TENM3: variants seen among roughly 807,000 people sequenced by gnomAD.
TENM3 encodes teneurin-3.
Under a neutral mutation model 255.1 loss-of-function variants are expected in TENM3, and 63 were observed. The ratio of observed to expected loss-of-function variants is 0.25; its 90% CI spans 0.20 to 0.30. The LOEUF is 0.30. TENM3 is among the 10% of genes least tolerant of loss of function. TENM3 has a pLI of 1.00. For missense variants in TENM3, 2,929 were observed against 3,461.1 expected, an observed-to-expected ratio of 0.85 and a Z score of 3.86; for synonymous variants, 1,306 against 1,322.3, an observed-to-expected ratio of 0.99 and a Z score of 0.27.
chr4:181,470,617 T>C, the TENM3 span, among the ~76,000 whole-genome samples: 1 of 152,214 alleles, frequency 6.6e-6, no homozygotes, highest in East Asian at 1.9e-4. Context: ...ATTTTAAGGT[T>C]AAATTTATTT....
rs1330471044 is a variant in TENM3 at position 182,789,869 on chromosome 4, T to C, written c.5601+480T>C. 2.6e-5 allele frequency among the ~76,000 whole-genome samples: 4 copies of C among 152,192 alleles called. No homozygotes were observed. ...TATTAACCAAAAGAGGCGATTTTCT[T>C]AGAAAGCCACACTTTCGGGTACTCT... On this transcript the variant is annotated intron_variant, in intron 25 of 27. Coordinates refer to ENST00000511685, the MANE Select transcript of TENM3 (RefSeq NM_001080477.4). This position sits in a 1 kb window ranked among gnomAD's most constrained non-coding sequence, Gnocchi z 4.4.
chr4:182,056,326 T>C, the TENM3 span, among the ~76,000 whole-genome samples: 2 of 152,204 alleles, frequency 1.3e-5, no homozygotes, highest in African/African-American at 4.8e-5. Context: ...TGAAAATGTC[T>C]TCCCGTGTCC....
the TENM3 span, among the ~76,000 whole-genome samples, chr4:181,871,273 T>C: frequency 1.3e-5 from 2 of 152,202 alleles, no homozygotes; most frequent in East Asian, 3.9e-4. Context: ...ACTAGTCATT[T>C]TCTATAAAAG....
At chr4:181,524,915 G>A in the TENM3 span, among the ~76,000 whole-genome samples, 1 of 152,100 alleles carries the variant, frequency 6.6e-6, no homozygotes, top group Non-Finnish European at 1.5e-5. Flanking sequence ...TTTTCATTGT[G>A]GTTTGCCAAG....
chr4:181,822,759 G>A, the TENM3 span, among the ~76,000 whole-genome samples: 1 of 152,118 alleles, frequency 6.6e-6, no homozygotes, highest in Admixed American at 6.6e-5. Context: ...CAAATATAAG[G>A]CATCCACTAT....
At chr4:182,385,496 C>T (rs1767856971) in intron 3 of TENM3, among the ~76,000 whole-genome samples, 1 of 152,104 alleles carries the variant, frequency 6.6e-6, no homozygotes, top group Admixed American at 6.5e-5. Flanking sequence ...AACCTCTAAC[C>T]TCAGGTGATC....
At chr4:182,674,416 AT>A (rs1755490613) in intron 7 of TENM3, among the ~76,000 whole-genome samples, 1 of 152,120 alleles carries the variant, frequency 6.6e-6, no homozygotes, top group African/African-American at 2.4e-5. Context: ...AAATTTCTGA[AT>A]ATCAGGCTTT....
At chr4:181,448,444 T>C in the TENM3 span, among the ~76,000 whole-genome samples, 2 of 152,060 alleles carry the variant, frequency 1.3e-5, no homozygotes, top group Admixed American at 1.3e-4. Flanking sequence ...GTGCTGGGAT[T>C]ACAGGCGTGA....
At chr4:181,551,806 TAATA>T in the TENM3 span, among the ~76,000 whole-genome samples, 1 of 45,942 alleles carries the variant, frequency 2.2e-5, no homozygotes, top group South Asian at 1.0e-3. Flanking sequence ...AGGCAGTTAA[TAATA>T]TATATATATA....
chr4:182,238,803 A>C (rs971607794), upstream of TENM3, among the ~76,000 whole-genome samples: 1 of 152,186 alleles, frequency 6.6e-6, no homozygotes, highest in Non-Finnish European at 1.5e-5. Context: ...AAGTTTTATA[A>C]AAATACAAAC....
the TENM3 span, among the ~76,000 whole-genome samples, chr4:181,937,599 G>A: frequency 1.3e-5 from 2 of 152,178 alleles, no homozygotes; most frequent in Non-Finnish European, 1.5e-5. Context: ...ATGACTGCAC[G>A]AAGGCCTTTT....
upstream of TENM3, among the ~76,000 whole-genome samples, chr4:182,241,518 CTTT>C (rs982739950): frequency 8.8e-6 from 1 of 114,264 alleles, no homozygotes. Flanking sequence ...TTTTTTCTTT[CTTT>C]TTTTTTTTTT....
At chr4:182,258,878 G>T (rs1263418790) in intron 1 of TENM3, among the ~76,000 whole-genome samples, 1 of 152,200 alleles carries the variant, frequency 6.6e-6, no homozygotes, top group African/African-American at 2.4e-5. Context: ...AGCTTTGGTT[G>T]TTTGGAAATG....
chr4:181,766,129 G>A, the TENM3 span, among the ~76,000 whole-genome samples: 17 of 152,224 alleles, frequency 1.1e-4, no homozygotes, highest in Middle Eastern at 3.4e-3. Context: ...TCCCAGATGC[G>A]CCTCCATGCC....
In TENM3 at chr4:182,742,136, C is replaced by A. The variant is rs115692204; in HGVS notation, c.3380-1034C>A. ...GAAGTGTCATAAACTGTGCATGGAA[C>A]AATAGCAGCTGACTACCCCGTGTGC... On this transcript the variant is annotated intron_variant, in intron 18 of 27. Coordinates refer to ENST00000511685, the MANE Select transcript of TENM3 (RefSeq NM_001080477.4). 3.6e-3 allele frequency among the ~76,000 whole-genome samples: 544 copies of A among 152,292 alleles called. 6 individuals are homozygous for A. The highest frequency in any genetic ancestry group is 0.013 in the African/African-American group (525 of 41,572).
chr4:182,752,084 A>AG, intron 20 of TENM3, 52 bp downstream of exon 20: 3 of 1,149,854 alleles, frequency 2.6e-6, no homozygotes, highest in Non-Finnish European at 2.4e-6. Flanking sequence ...AAAAAAAAAA[A>AG]AAAAGGGGTT....
At chr4:182,452,111 CAT>C (rs1773509991) in intron 3 of TENM3, among the ~76,000 whole-genome samples, 2 of 152,224 alleles carry the variant, frequency 1.3e-5, no homozygotes, top group South Asian at 2.1e-4. Flanking sequence ...CACATACAGA[CAT>C]ATGTAGTTTA....
At chr4:182,612,355 A>T (rs1199841686) in intron 4 of TENM3, among the ~76,000 whole-genome samples, 1 of 152,032 alleles carries the variant, frequency 6.6e-6, no homozygotes, top group African/African-American at 2.4e-5. Flanking sequence ...TTAAACACAC[A>T]CAGAGTTTCA....
chr4:181,849,389 AATTAT>A, the TENM3 span, among the ~76,000 whole-genome samples: 1 of 152,222 alleles, frequency 6.6e-6, no homozygotes, highest in Non-Finnish European at 1.5e-5. Context: ...GCTTTCATAA[AATTAT>A]ATTGTTGCCC....
Sources: gnomAD v4.1 joint callset for allele counts (sites outside exome capture counted in the v4.1 genomes callset) on GRCh38, gnomAD v4.1.1 for gene constraint, Gnocchi (gnomAD v3.1) non-coding constraint, MANE v1.5 for transcripts, NCBI Gene and HGNC (gene_info 2026-07-23, HGNC 2026-07-21) for gene names.